Variants in ATP8A1 observed in about 807,000 individuals in gnomAD.
The protein encoded by ATP8A1 is ATPase phospholipid transporting 8A1.
Under a neutral mutation model 177.7 loss-of-function variants are expected in ATP8A1, and 90 were observed. That is an observed-to-expected ratio of 0.51 (90% CI 0.43 to 0.60). The LOEUF is 0.60. Among genes scored for constraint, ATP8A1 ranks in the 20% least tolerant of loss-of-function variants. ATP8A1 has a pLI of 0.00. For missense variants in ATP8A1, 1,072 were observed against 1,392.8 expected (o/e 0.77, Z 3.67); for synonymous variants, 493 against 485.9 (o/e 1.01, Z -0.19).
rs1031684911 is a variant in ATP8A1 at position 42,586,654 on chromosome 4, A to G, written c.595-178T>C. ...AGACACCTTCCTCCCTGACTTGAGC[A>G]CAGGTTTTTAGCGCAAGAATAGGGC... On this transcript the variant is annotated intron_variant, in intron 8 of 36. Transcript: ENST00000381668. Among the ~76,000 whole-genome samples, 7 of 152,310 alleles carry G rather than the reference A, an allele frequency of 4.6e-5. No homozygotes were observed. In the East Asian group the frequency reaches 1.4e-3, roughly 29 times the overall value.
intron 20 of ATP8A1, among the ~76,000 whole-genome samples, chr4:42,533,514 T>A (rs1344957837): frequency 6.6e-6 from 1 of 151,670 alleles, no homozygotes; most frequent in East Asian, 1.9e-4. Flanking sequence ...CCAAGGAGAG[T>A]CTCAGCTCAG....
At chr4:42,548,275 C>A (rs1046590416) in intron 19 of ATP8A1, among the ~76,000 whole-genome samples, 1 of 152,178 alleles carries the variant, frequency 6.6e-6, no homozygotes, top group Non-Finnish European at 1.5e-5. Context: ...CTGATCCCGA[C>A]TCATCTCCAC....
At chr4:42,563,814 G>GCCAGGCGTGGTGGCTCATATCTGTAAT (rs1731085354) in intron 15 of ATP8A1, among the ~76,000 whole-genome samples, 2 of 152,208 alleles carry the variant, frequency 1.3e-5, no homozygotes. Context: ...TGAGGTTTGG[G>GCCAGGCGTGGTGGCTCATATCTGTAAT]CCAGGCGTGG....
intron 27 of ATP8A1, among the ~76,000 whole-genome samples, chr4:42,456,193 T>A (rs1379301387): frequency 1.3e-5 from 2 of 152,182 alleles, no homozygotes. Context: ...TAAAATGATG[T>A]TAATGGATAT....
chr4:42,493,218 A>G (rs757951602), intron 24 of ATP8A1, among the ~76,000 whole-genome samples: 76 of 152,224 alleles, frequency 5.0e-4, no homozygotes, highest in Non-Finnish European at 9.6e-4. Flanking sequence ...ACTGTAAAGA[A>G]CTAAGTTCCA....
chr4:42,585,359 G>A (rs566337682), intron 9 of ATP8A1, among the ~76,000 whole-genome samples: 2 of 151,626 alleles, frequency 1.3e-5, no homozygotes, highest in Non-Finnish European at 2.9e-5. Flanking sequence ...CTGCAAGAAA[G>A]TAAGCTCACA....
At chr4:42,544,016 C>T in intron 19 of ATP8A1, 30 bp from the exon 20 acceptor site, 6 of 1,572,624 alleles carry the variant, frequency 3.8e-6, no homozygotes, top group Non-Finnish European at 4.4e-6. Context: ...CATAATGTGT[C>T]ATCATACCAA....
At chr4:42,470,143 T>C (rs1196778120) in intron 25 of ATP8A1, among the ~76,000 whole-genome samples, 3 of 152,246 alleles carry the variant, frequency 2.0e-5, no homozygotes, top group African/African-American at 7.2e-5. Flanking sequence ...GTATCCAATG[T>C]GTACTGTAAA....
chr4:42,649,558 T>C (rs1740879446), intron 1 of ATP8A1, among the ~76,000 whole-genome samples: 1 of 151,980 alleles, frequency 6.6e-6, no homozygotes, highest in South Asian at 2.1e-4. Context: ...GAAGCATGAG[T>C]TTTTCCCAGT....
intron 14 of ATP8A1, among the ~76,000 whole-genome samples, chr4:42,570,582 G>T (rs1022827430): frequency 1.2e-4 from 18 of 152,204 alleles, no homozygotes; most frequent in Non-Finnish European, 2.5e-4. Context: ...TCAAGTGCCA[G>T]AGACCCTCTT....
chr4:42,565,231 G>A (rs990222133), intron 15 of ATP8A1, among the ~76,000 whole-genome samples: 1 of 152,190 alleles, frequency 6.6e-6, no homozygotes, highest in African/African-American at 2.4e-5. Context: ...AATTACAAAA[G>A]AGGAATTTCA....
chr4:42,542,973 A>G (rs1456848098), intron 20 of ATP8A1, among the ~76,000 whole-genome samples: 1 of 152,182 alleles, frequency 6.6e-6, no homozygotes, highest in Admixed American at 6.5e-5. Flanking sequence ...TATCTCCAAA[A>G]TGCAGTTCGA....
intron 14 of ATP8A1, among the ~76,000 whole-genome samples, chr4:42,572,437 T>C (rs1732000714): frequency 6.6e-6 from 1 of 152,210 alleles, no homozygotes; most frequent in African/African-American, 2.4e-5. Flanking sequence ...TTTTCCCTGC[T>C]GTAAACATGT....
chr4:42,555,095 ATC>A (rs144910147), intron 16 of ATP8A1, among the ~76,000 whole-genome samples: 93 of 84,924 alleles, frequency 1.1e-3, no homozygotes, highest in African/African-American at 4.6e-3. Flanking sequence ...GTATCTATCT[ATC>A]TATCTATCTA....
At chr4:42,652,333 A>C (rs929194018) in intron 1 of ATP8A1, among the ~76,000 whole-genome samples, 2 of 152,260 alleles carry the variant, frequency 1.3e-5, no homozygotes, top group African/African-American at 4.8e-5. Context: ...CCCACCACAG[A>C]TTTACTCAAC....
At chr4:42,468,794 C>G (rs1392047753) in intron 25 of ATP8A1, among the ~76,000 whole-genome samples, 1 of 152,058 alleles carries the variant, frequency 6.6e-6, no homozygotes, top group Non-Finnish European at 1.5e-5. Flanking sequence ...CTACCTGTTC[C>G]CTCAAAACCT....
chr4:42,538,324 A>C (rs2153204342), intron 20 of ATP8A1, among the ~76,000 whole-genome samples: 1 of 152,346 alleles, frequency 6.6e-6, no homozygotes, highest in Middle Eastern at 3.4e-3. Flanking sequence ...TCTAGAAGAT[A>C]ATATCAGAAA....
chr4:42,415,077 A>G (rs147130389), intron 35 of ATP8A1: 87 of 168,254 alleles, frequency 5.2e-4, no homozygotes, highest in African/African-American at 1.8e-3. Flanking sequence ...TTCACTTTTA[A>G]AAACTGACTA....
chr4:42,465,110 C>A (rs1719594742), intron 25 of ATP8A1, 34 bp from the exon 26 acceptor site: 1 of 1,570,312 alleles, frequency 6.4e-7, no homozygotes, highest in East Asian at 2.3e-5. Flanking sequence ...TTACTGTTTT[C>A]TGAAAAAAGG....
Sources: allele counts gnomAD v4.1 joint callset (sites outside exome capture counted in the v4.1 genomes callset), GRCh38; gene constraint gnomAD v4.1.1; transcripts MANE v1.5; gene names NCBI Gene and HGNC (gene_info 2026-07-23, HGNC 2026-07-21).